The following MRTFB variants were observed in gnomAD, a reference collection of about 807,000 sequenced individuals.
MRTFB encodes the protein myocardin related transcription factor B, also known as myocardin-related transcription factor B.
A neutral mutation model predicts 104.2 loss-of-function variants in MRTFB; 29 were observed. The ratio of observed to expected loss-of-function variants is 0.28; its 90% CI spans 0.21 to 0.38. The LOEUF (loss-of-function observed/expected upper bound fraction) is 0.38, where lower values mean the gene tolerates loss of function less well. Among genes scored for constraint, MRTFB ranks in the 10% least tolerant of loss-of-function variants. MRTFB has a pLI of 1.00. For synonymous variants in MRTFB, 535 were observed against 519.5 expected, an observed-to-expected ratio of 1.03 and a Z score of -0.41; for missense variants, 1,270 against 1,341.6, an observed-to-expected ratio of 0.95 and a Z score of 0.83.
At chr16:14,226,516 C>T (rs1385017207) in intron 8 of MRTFB, among the ~76,000 whole-genome samples, 4 of 152,066 alleles carry the variant, frequency 2.6e-5, no homozygotes, top group Admixed American at 6.5e-5. Flanking sequence ...TACCTAACAT[C>T]GTAGGCAAAA....
the MRTFB span, among the ~76,000 whole-genome samples, chr16:14,050,942 A>G: frequency 6.6e-6 from 1 of 151,972 alleles, no homozygotes. Context: ...TCTCACTGTC[A>G]CCTAGGGCTC....
At chr16:14,114,018 T>C (rs2036409686) in intron 2 of MRTFB, among the ~76,000 whole-genome samples, 1 of 152,176 alleles carries the variant, frequency 6.6e-6, no homozygotes, top group Admixed American at 6.5e-5. Context: ...TCAGTAAAAA[T>C]AGTTGCTATG....
intron 3 of MRTFB, chr16:14,200,303 C>G: frequency 1.2e-6 from 2 of 1,603,236 alleles, no homozygotes; most frequent in Non-Finnish European, 1.7e-6. Flanking sequence ...GACCCGGACC[C>G]GTACGCTGCT....
At chr16:14,115,664 A>G (rs968320701) in intron 2 of MRTFB, among the ~76,000 whole-genome samples, 1 of 152,184 alleles carries the variant, frequency 6.6e-6, no homozygotes, top group Non-Finnish European at 1.5e-5. Context: ...TCTGCCTTGA[A>G]ATAGTCACAC....
At chr16:14,180,637 C>G (rs2039736768) in intron 3 of MRTFB, among the ~76,000 whole-genome samples, 1 of 152,218 alleles carries the variant, frequency 6.6e-6, no homozygotes, top group Admixed American at 6.5e-5. Flanking sequence ...TGAGGAGGAG[C>G]CACGCAAGCT....
chr16:14,140,667 C>G lies in MRTFB; in HGVS notation c.61C>G (p.Pro21Ala). 3 of 1,614,142 alleles carry G rather than the reference C, an allele frequency of 1.9e-6. No individual in the cohort carries two copies. The highest frequency in any genetic ancestry group is 2.2e-5 in the South Asian group (2 of 91,086). Residue 21 changes from proline (P) to alanine (A), a missense_variant, in exon 3 of 17, where the codon CCA becomes GCA. Transcript: ENST00000571589. ...AGTGGGACCTTTAGCCCATCTTGCT[C>G]CAAGTCCTCAGAGTGAAGCTGTGGC... ...DEVGPLAHLA[P>A]SPQSEAVAHE...
At chr16:14,186,795 G>T in intron 3 of MRTFB, 2 of 1,549,130 alleles carry the variant, frequency 1.3e-6, no homozygotes, top group Non-Finnish European at 1.7e-6. Context: ...CAGTGATTGG[G>T]GTATTGTGGG....
the MRTFB span, among the ~76,000 whole-genome samples, chr16:14,050,809 G>T: frequency 6.6e-6 from 1 of 151,902 alleles, no homozygotes; most frequent in Non-Finnish European, 1.5e-5. Context: ...AATGGGGGCG[G>T]GTCTCCCTGC....
Position 14,246,714 on chromosome 16 carries a change from T to G in MRTFB, c.1454T>G (p.Leu485Trp). 6.2e-7 allele frequency: 1 copy of G among 1,614,122 alleles called. No individual in the cohort carries two copies. Among genetic ancestry groups the G allele is most frequent in the Non-Finnish European group, 8.5e-7 (1 of 1,180,030 alleles). ...TCAGTCTCTACTCTCAAGGCAGAAT[T>G]GCCACCTACAGGAACCAGCAACGCA... ...TSSVSTLKAE[L>W]PPTGTSNATR... The change falls in exon 12 of 17, where the codon TTG becomes TGG. Residue 485 changes from leucine to tryptophan, a missense_variant. Leu to Trp is a moderately conservative substitution (Grantham distance 61, BLOSUM62 -2). Transcript: ENST00000571589.
At chr16:14,049,739 G>A in the MRTFB span, among the ~76,000 whole-genome samples, 2 of 152,148 alleles carry the variant, frequency 1.3e-5, no homozygotes, top group Non-Finnish European at 2.9e-5. Context: ...GGAGTATTTA[G>A]GATTTTTTCT....
At chr16:14,135,353 TA>T (rs756182095) in intron 2 of MRTFB, among the ~76,000 whole-genome samples, 73 of 152,372 alleles carry the variant, frequency 4.8e-4, no homozygotes, top group Non-Finnish European at 8.8e-4. Context: ...TATAATGCTT[TA>T]TTTTTCCTGT....
intron 15 of MRTFB, among the ~76,000 whole-genome samples, chr16:14,253,888 G>A (rs1163878540): frequency 6.6e-6 from 1 of 152,226 alleles, no homozygotes; most frequent in Non-Finnish European, 1.5e-5. Context: ...AGTCAAACAG[G>A]TGGTGCTGGA....
At chr16:14,128,935 G>C (rs1159996891) in intron 2 of MRTFB, among the ~76,000 whole-genome samples, 1 of 152,124 alleles carries the variant, frequency 6.6e-6, no homozygotes, top group African/African-American at 2.4e-5. Context: ...AAATCTCCTT[G>C]TTATCAGCTC....
intron 3 of MRTFB, chr16:14,144,028 C>A (rs536119708): frequency 1.3e-5 from 2 of 152,348 alleles, no homozygotes; most frequent in African/African-American, 4.8e-5. Context: ...CGACACCCAA[C>A]ACTTTGCATT....
At chr16:14,025,363 T>A in the MRTFB span, among the ~76,000 whole-genome samples, 3 of 152,168 alleles carry the variant, frequency 2.0e-5, no homozygotes, top group African/African-American at 4.8e-5. Flanking sequence ...TTTTTATTTT[T>A]TGTAGAGCTG....
At chr16:14,047,442 A>G in the MRTFB span, among the ~76,000 whole-genome samples, 1 of 152,342 alleles carries the variant, frequency 6.6e-6, no homozygotes, top group East Asian at 1.9e-4. Context: ...TGTGGGTCAG[A>G]TGGCGACCTC....
At chr16:14,051,822 T>C in the MRTFB span, among the ~76,000 whole-genome samples, 1 of 152,216 alleles carries the variant, frequency 6.6e-6, no homozygotes, top group African/African-American at 2.4e-5. Context: ...ATCCTTCCTT[T>C]CCAATCTTCT....
chr16:14,091,286 C>G (rs1031076581), intron 2 of MRTFB, among the ~76,000 whole-genome samples: 7 of 152,066 alleles, frequency 4.6e-5, no homozygotes, highest in African/African-American at 1.7e-4. Flanking sequence ...TAACAGAAAC[C>G]TCACTCAAAC....
At chr16:14,153,351 A>G (rs1458794729) in intron 3 of MRTFB, 3 of 152,198 alleles carry the variant, frequency 2.0e-5, no homozygotes, top group Non-Finnish European at 2.9e-5. Context: ...CAACTTTTTT[A>G]TCTCTGTATA....
Sources: allele counts gnomAD v4.1 joint callset (sites outside exome capture counted in the v4.1 genomes callset), GRCh38; gene constraint gnomAD v4.1.1; transcripts MANE v1.5; gene names NCBI Gene and HGNC (gene_info 2026-07-23, HGNC 2026-07-21).